ELAPOR2: variants seen among roughly 807,000 people sequenced by gnomAD.
ELAPOR2 encodes endosome/lysosome-associated apoptosis and autophagy regulator family member 2.
Under a neutral mutation model 120.7 loss-of-function variants are expected in ELAPOR2, and 89 were observed. The ratio of observed to expected loss-of-function variants is 0.74; its 90% confidence interval spans 0.62 to 0.88. The LOEUF (loss-of-function observed/expected upper bound fraction) is 0.88, where lower values mean the gene tolerates loss of function less well. Ranked by LOEUF, ELAPOR2 falls within the 40% of genes least tolerant of loss-of-function variation. ELAPOR2 has a pLI of 0.00. For synonymous variants in ELAPOR2, 444 were observed against 444.9 expected, an observed-to-expected ratio of 1.00 and a Z score of 0.03; for missense variants, 1,134 against 1,251.6, an observed-to-expected ratio of 0.91 and a Z score of 1.42.
chr7:86,962,874 A>C (rs1409555336), intron 2 of ELAPOR2, among the ~76,000 whole-genome samples: 1 of 152,212 alleles, frequency 6.6e-6, no homozygotes, highest in Non-Finnish European at 1.5e-5. Flanking sequence ...CAGCAGCCAA[A>C]CACTAATGAG....
intron 19 of ELAPOR2, among the ~76,000 whole-genome samples, chr7:86,893,701 G>A (rs953999438): frequency 1.3e-5 from 2 of 151,932 alleles, no homozygotes; most frequent in Non-Finnish European, 2.9e-5. Flanking sequence ...ATTATTCTGG[G>A]TCATCACTAC....
chr7:86,889,903 T>C (rs572672325), intron 21 of ELAPOR2, among the ~76,000 whole-genome samples: 5 of 152,004 alleles, frequency 3.3e-5, no homozygotes, highest in South Asian at 2.1e-4. Context: ...TTCATAGCAT[T>C]TGTTCAGCTA....
At chr7:87,041,386 G>A (rs1364832208) in intron 1 of ELAPOR2, among the ~76,000 whole-genome samples, 1 of 152,154 alleles carries the variant, frequency 6.6e-6, no homozygotes, top group Non-Finnish European at 1.5e-5. Context: ...ACCCTTAAAG[G>A]GAAGCCCATC....
intron 1 of ELAPOR2, among the ~76,000 whole-genome samples, chr7:87,025,975 C>T (rs1364485165): frequency 6.6e-6 from 1 of 152,072 alleles, no homozygotes; most frequent in African/African-American, 2.4e-5. Context: ...AAACCTTAAA[C>T]AAACATATTC....
At chr7:87,018,640 C>A (rs963938203) in intron 1 of ELAPOR2, among the ~76,000 whole-genome samples, 1 of 152,126 alleles carries the variant, frequency 6.6e-6, no homozygotes, top group African/African-American at 2.4e-5. Context: ...AAGTTCAATG[C>A]AAGTTATAAA....
intron 17 of ELAPOR2, 51 bp from the exon 18 acceptor site, chr7:86,907,822 A>C (rs1276922618): frequency 9.8e-7 from 1 of 1,022,614 alleles, no homozygotes; most frequent in Admixed American, 2.9e-5. Context: ...TACAGATTAC[A>C]AAGACAAAAA....
At chr7:86,923,245 A>G (rs1584354796) in intron 10 of ELAPOR2, among the ~76,000 whole-genome samples, 1 of 151,986 alleles carries the variant, frequency 6.6e-6, no homozygotes, top group African/African-American at 2.4e-5. Flanking sequence ...AGTAGGGTGT[A>G]GTTAGTAGTT....
chr7:87,037,243 C>G (rs1279428069), intron 1 of ELAPOR2, among the ~76,000 whole-genome samples: 4 of 152,124 alleles, frequency 2.6e-5, no homozygotes, highest in African/African-American at 9.7e-5. Context: ...AGTTGTCTCT[C>G]AGCTGCACTC....
chr7:86,911,478 A>G, intron 15 of ELAPOR2: 1 of 380,972 alleles, frequency 2.6e-6, no homozygotes, highest in Non-Finnish European at 5.1e-6. Context: ...GTATATACCT[A>G]TACATACTTC....
chr7:87,036,155 G>T (rs1794580807), intron 1 of ELAPOR2, among the ~76,000 whole-genome samples: 1 of 152,048 alleles, frequency 6.6e-6, no homozygotes, highest in Non-Finnish European at 1.5e-5. Context: ...TATGCATTTT[G>T]TCAATAATGA....
chr7:86,880,828 C>T (rs1362385829), intron 21 of ELAPOR2, among the ~76,000 whole-genome samples: 1 of 151,700 alleles, frequency 6.6e-6, no homozygotes, highest in Non-Finnish European at 1.5e-5. Flanking sequence ...CACTGAGACC[C>T]TTCCTGGGGA....
intron 21 of ELAPOR2, among the ~76,000 whole-genome samples, chr7:86,890,914 G>A (rs1472034081): frequency 6.6e-6 from 1 of 151,770 alleles, no homozygotes; most frequent in Non-Finnish European, 1.5e-5. Flanking sequence ...TTTGTCTCTT[G>A]TCTATCCTGT....
chr7:86,883,571 T>C (rs943619305), intron 21 of ELAPOR2, among the ~76,000 whole-genome samples: 5 of 152,212 alleles, frequency 3.3e-5, no homozygotes, highest in African/African-American at 1.2e-4. Flanking sequence ...TACAAAGGAA[T>C]CTACTTCTGT....
chr7:86,912,812 G>A, intron 14 of ELAPOR2, 129 bp downstream of exon 14: 1 of 1,065,850 alleles, frequency 9.4e-7, no homozygotes, highest in South Asian at 1.7e-5. Context: ...AACAGAAATG[G>A]TAAGTAGAAA....
At chr7:86,948,795 T>C (rs559133197) in intron 2 of ELAPOR2, among the ~76,000 whole-genome samples, 5 of 152,098 alleles carry the variant, frequency 3.3e-5, no homozygotes, top group East Asian at 1.9e-4. Flanking sequence ...TCCAAGTACA[T>C]GGCTATGTGC....
At chr7:86,959,181 G>C (rs1791600762) in intron 2 of ELAPOR2, among the ~76,000 whole-genome samples, 1 of 152,168 alleles carries the variant, frequency 6.6e-6, no homozygotes, top group African/African-American at 2.4e-5. Flanking sequence ...TTACAGCTTT[G>C]CTGACTTTAC....
intron 1 of ELAPOR2, among the ~76,000 whole-genome samples, chr7:87,048,729 T>C (rs1357690113): frequency 6.6e-6 from 1 of 152,150 alleles, no homozygotes; most frequent in Non-Finnish European, 1.5e-5. Context: ...ATCAAAACAA[T>C]CTCGTGTACC....
intron 8 of ELAPOR2, among the ~76,000 whole-genome samples, chr7:86,932,723 A>T (rs1790384151): frequency 6.6e-6 from 1 of 151,830 alleles, no homozygotes; most frequent in Non-Finnish European, 1.5e-5. Context: ...CTTGTGGGGG[A>T]AGGATTTTCC....
At chr7:86,955,864 C>T (rs896795890) in intron 2 of ELAPOR2, among the ~76,000 whole-genome samples, 8 of 151,498 alleles carry the variant, frequency 5.3e-5, no homozygotes, top group African/African-American at 1.7e-4. Flanking sequence ...CCACGGTTAC[C>T]ATGCAGCCAG....
Sources: gnomAD v4.1 joint callset for allele counts (sites outside exome capture counted in the v4.1 genomes callset) on GRCh38, gnomAD v4.1.1 for gene constraint, MANE v1.5 for transcripts, NCBI Gene and HGNC (gene_info 2026-07-23, HGNC 2026-07-21) for gene names.